ESRRB: variants seen among roughly 807,000 people sequenced by gnomAD.
The protein encoded by ESRRB is estrogen related receptor beta, also known as steroid hormone receptor ERR2.
Under a neutral mutation model 46.0 loss-of-function variants are expected in ESRRB, and 16 were observed. The observed-to-expected ratio is 0.35, with a 90% confidence interval of 0.24 to 0.53. The LOEUF is 0.53. Among genes scored for constraint, ESRRB ranks in the 20% least tolerant of loss-of-function variants. ESRRB has a pLI of 0.93. For missense variants in ESRRB, 488 were observed against 607.4 expected (o/e 0.80, Z 2.07); for synonymous variants, 246 against 259.6 (o/e 0.95, Z 0.50).
At chr14:76,356,775 GC>G (rs1884383937) in intron 1 of ESRRB, among the ~76,000 whole-genome samples, 1 of 152,216 alleles carries the variant, frequency 6.6e-6, no homozygotes, top group Admixed American at 6.5e-5. Context: ...CTCCTGTCCA[GC>G]CCCATCAGCG....
intron 1 of ESRRB, among the ~76,000 whole-genome samples, chr14:76,344,950 T>G (rs1173026112): frequency 6.6e-6 from 1 of 152,160 alleles, no homozygotes; most frequent in Non-Finnish European, 1.5e-5. Flanking sequence ...ATCATATATA[T>G]ACTACAGTTC....
At chr14:76,375,053 A>T (rs567060823), upstream of ESRRB, among the ~76,000 whole-genome samples, 16 of 152,186 alleles carry the variant, frequency 1.1e-4, no homozygotes, top group African/African-American at 3.9e-4. Flanking sequence ...TGATAAAATT[A>T]TGTCTTCCCC....
intron 6 of ESRRB, 26 bp downstream of exon 6, chr14:76,491,742 G>A (rs756941110): frequency 1.9e-6 from 3 of 1,556,700 alleles, no homozygotes; most frequent in African/African-American, 2.7e-5. Flanking sequence ...GGGCCTGGAA[G>A]GGGAGCTTCT....
At chr14:76,405,626 A>C (rs1047997238) in intron 1 of ESRRB, among the ~76,000 whole-genome samples, 1 of 152,046 alleles carries the variant, frequency 6.6e-6, no homozygotes, top group East Asian at 1.9e-4. Flanking sequence ...AAAATGGACA[A>C]AGCTCGGGAT....
chr14:76,499,092 T>C lies in ESRRB; in HGVS notation c.*634T>C. On this transcript the variant is annotated 3_prime_UTR_variant, in exon 7 of 7. Transcript: ENST00000644823. Reference sequence around the variant, plus strand: ...CCTGGGCACCCCACCCCTCGGGGCCTACCCCCCTGCCTGTCACCCACCGCG... The same window carrying C: ...CCTGGGCACCCCACCCCTCGGGGCCCACCCCCCTGCCTGTCACCCACCGCG... 1 of 330,188 alleles carries C rather than the reference T, an allele frequency of 3.0e-6. No individual in the cohort carries two copies. Among genetic ancestry groups the C allele is most frequent in the Non-Finnish European group, 6.0e-6 (1 of 167,910 alleles). The allele number at this position is 330,188 out of a possible 1,614,324, so 20.5% of individuals were successfully genotyped here. A position where few individuals can be genotyped will look rare whatever the true frequency, so the allele number is the denominator to read the frequency against.
chr14:76,393,890 T>C (rs1885564423), intron 1 of ESRRB, among the ~76,000 whole-genome samples: 1 of 151,490 alleles, frequency 6.6e-6, no homozygotes, highest in Non-Finnish European at 1.5e-5. Context: ...AAACTTCACC[T>C]CCCAGGTTCA....
intron 1 of ESRRB, among the ~76,000 whole-genome samples, chr14:76,382,434 T>C (rs1885053597): frequency 6.6e-6 from 1 of 152,096 alleles, no homozygotes; most frequent in South Asian, 2.1e-4. Context: ...CTGGCCTGGG[T>C]AGGGGTGGGG....
In ESRRB at chr14:76,499,870, A is replaced by G. The variant is rs1890593970; in HGVS notation, c.*1412A>G. ...ACCCATTTGTGCTCACAGGTTGGCC[A>G]AGAGCAGCTTAGAGGATCTCCCAAG... is the stretch of plus-strand genomic sequence containing the variant. On this transcript the variant is annotated 3_prime_UTR_variant, in exon 7 of 7. Coordinates refer to ENST00000644823, the MANE Select transcript of ESRRB (RefSeq NM_001379180.1). 1 of 1,614,092 alleles carries G rather than the reference A, an allele frequency of 6.2e-7. No individual in the cohort carries two copies. The highest frequency in any genetic ancestry group is 8.5e-7 in the Non-Finnish European group (1 of 1,180,018).
At chr14:76,368,802 A>G (rs1335332890), upstream of ESRRB, among the ~76,000 whole-genome samples, 1 of 152,224 alleles carries the variant, frequency 6.6e-6, no homozygotes, top group Non-Finnish European at 1.5e-5. Context: ...TACATCATTC[A>G]GAGTGGTGGA....
chr14:76,336,304 T>TGGAAAAA (rs57685131), intron 1 of ESRRB, among the ~76,000 whole-genome samples: 100,757 of 151,540 alleles, frequency 0.66, 33,569 homozygotes, highest in Middle Eastern at 0.74. Flanking sequence ...GGCTCAGCGA[T>TGGAAAAA]GACTGGCCCA....
At chr14:76,352,421 CT>C (rs1884325161) in intron 1 of ESRRB, among the ~76,000 whole-genome samples, 1 of 152,218 alleles carries the variant, frequency 6.6e-6, no homozygotes, top group African/African-American at 2.4e-5. Context: ...CTACTCAACT[CT>C]TCTGCAGGAA....
At chr14:76,321,039 A>AT (rs905828489) in intron 1 of ESRRB, among the ~76,000 whole-genome samples, 3 of 151,822 alleles carry the variant, frequency 2.0e-5, no homozygotes, top group Non-Finnish European at 4.4e-5. Context: ...CCTTATAAAG[A>AT]TTTTTTCTTA....
chr14:76,474,677 C>T (rs1265116872), intron 3 of ESRRB, among the ~76,000 whole-genome samples: 2 of 152,002 alleles, frequency 1.3e-5, no homozygotes, highest in African/African-American at 2.4e-5. Context: ...CCTATCTCTA[C>T]AAAATATACA....
At chr14:76,489,480 C>CACACACACACACACACACA (rs1890138576) in intron 5 of ESRRB, among the ~76,000 whole-genome samples, 6 of 150,800 alleles carry the variant, frequency 4.0e-5, no homozygotes, top group East Asian at 3.9e-4. Context: ...CACACACACA[C>CACACACACACACACACACA]CCTGATCCCC....
intron 3 of ESRRB, among the ~76,000 whole-genome samples, chr14:76,463,984 T>C (rs1254781572): frequency 6.6e-6 from 1 of 152,182 alleles, no homozygotes; most frequent in Non-Finnish European, 1.5e-5. Flanking sequence ...ATTACAGGCA[T>C]GAGCCACTAT....
rs114562588 is a variant in ESRRB at position 76,325,541 on chromosome 14, C to T, written c.2+14625C>T. ...GGGCCAAGTTCTTCTCGTATTAATG[C>T]ATCTGATCTCCATGGCAAGCCTTTG... On this transcript the variant is annotated intron_variant, in intron 1 of 6. Transcript: ENST00000512784. 8.0e-3 allele frequency among the ~76,000 whole-genome samples: 1,221 copies of T among 152,242 alleles called. 22 individuals are homozygous for T. The highest frequency in any genetic ancestry group is 0.028 in the African/African-American group (1,146 of 41,550).
chr14:76,492,462 C>T (rs555799077), intron 6 of ESRRB, among the ~76,000 whole-genome samples: 5 of 152,232 alleles, frequency 3.3e-5, no homozygotes, highest in Non-Finnish European at 5.9e-5. Flanking sequence ...CCACCACGCT[C>T]AGCGTCAACT....
At chr14:76,447,408 A>G (rs936466777) in intron 2 of ESRRB, among the ~76,000 whole-genome samples, 2 of 151,656 alleles carry the variant, frequency 1.3e-5, no homozygotes, top group African/African-American at 4.8e-5. Flanking sequence ...TCAGTTCTTG[A>G]CCCAGCTTCT....
At chr14:76,314,769 G>C (rs923584931) in intron 1 of ESRRB, among the ~76,000 whole-genome samples, 3 of 152,056 alleles carry the variant, frequency 2.0e-5, no homozygotes, top group Admixed American at 1.3e-4. Flanking sequence ...GAGGTCAGAA[G>C]TCTAAGTCCC....
Sources: gnomAD v4.1 joint callset for allele counts (sites outside exome capture counted in the v4.1 genomes callset) on GRCh38, gnomAD v4.1.1 for gene constraint, MANE v1.5 for transcripts, NCBI Gene and HGNC (gene_info 2026-07-23, HGNC 2026-07-21) for gene names.